Variants in RIMS1 observed in about 807,000 individuals in gnomAD.
The protein encoded by RIMS1 is regulating synaptic membrane exocytosis protein 1.
RIMS1 carries 83 observed loss-of-function variants against 214.1 expected under a neutral mutation model. The observed-to-expected ratio is 0.39, with a 90% CI of 0.32 to 0.47. The LOEUF is 0.47. Ranked by LOEUF, RIMS1 falls within the 20% of genes least tolerant of loss-of-function variation. RIMS1 has a pLI of 0.99. For missense variants in RIMS1, 2,050 were observed against 2,161.8 expected (o/e 0.95, Z 1.03); for synonymous variants, 793 against 786.8 (o/e 1.01, Z -0.13).
intron 28 of RIMS1, among the ~76,000 whole-genome samples, chr6:72,317,946 G>A (rs150551234): frequency 3.1e-4 from 47 of 151,982 alleles, no homozygotes; most frequent in African/African-American, 9.9e-4. Flanking sequence ...TGTCTTTCTG[G>A]CGATTTAACC....
At chr6:72,317,206 CG>C in intron 28 of RIMS1, 1 of 312,060 alleles carries the variant, frequency 3.2e-6, no homozygotes, top group Non-Finnish European at 6.3e-6. Flanking sequence ...GAAGCCCTCA[CG>C]GGGTGGCAGC....
rs573547108 is a variant in RIMS1, at chr6:72,160,304, A to T, written c.472-19271A>T. On this transcript the variant is annotated intron_variant, in intron 4 of 33. Transcript: ENST00000521978. ...TTGGGCTGAGACAATGGGGTTTTCT[A>T]GATATACAATCATGTCATCTGCCAA... Among the ~76,000 whole-genome samples the T allele has an allele frequency of 3.4e-3, 470 of 139,802 alleles. 28 individuals carry two copies. The highest frequency in any genetic ancestry group is 0.011 in the African/African-American group (454 of 40,524). The allele number at this position is 139,802 out of a possible 152,430, so 91.7% of individuals were successfully genotyped here. A position where few individuals can be genotyped will look rare whatever the true frequency, so the allele number is the denominator to read the frequency against.
chr6:71,900,609 A>G (rs1773304748), intron 1 of RIMS1, among the ~76,000 whole-genome samples: 1 of 151,994 alleles, frequency 6.6e-6, no homozygotes, highest in South Asian at 2.1e-4. Context: ...GAGATTTGGG[A>G]AGCAAAAACC....
chr6:71,970,251 A>G (rs1302452988), intron 2 of RIMS1, among the ~76,000 whole-genome samples: 1 of 152,232 alleles, frequency 6.6e-6, no homozygotes, highest in East Asian at 1.9e-4. Context: ...AGTACTTTAA[A>G]TGATGTTGTC....
intron 1 of RIMS1, among the ~76,000 whole-genome samples, chr6:71,895,496 G>A (rs1022808100): frequency 1.3e-4 from 19 of 151,836 alleles, no homozygotes; most frequent in South Asian, 2.1e-4. Flanking sequence ...CCAATATGGC[G>A]AAACCCCATC....
intron 2 of RIMS1, among the ~76,000 whole-genome samples, chr6:72,069,490 G>A (rs1254418341): frequency 6.6e-6 from 1 of 152,236 alleles, no homozygotes; most frequent in Non-Finnish European, 1.5e-5. Context: ...CTGCAAGTTA[G>A]TGTTGTGGCA....
chr6:72,064,184 A>G (rs2449424), intron 2 of RIMS1, among the ~76,000 whole-genome samples: 151,270 of 152,252 alleles, frequency 0.99, 75,154 homozygotes, highest in Middle Eastern at 1. Context: ...CAGGCATAGC[A>G]GCAGGCGCCT....
chr6:71,997,935 A>G (rs1157076857), intron 2 of RIMS1, among the ~76,000 whole-genome samples: 1 of 152,166 alleles, frequency 6.6e-6, no homozygotes, highest in Admixed American at 6.6e-5. Context: ...TAATGGTGGA[A>G]TAATATAAAA....
At position 72,400,706 on chromosome 6, in the gene RIMS1, C is replaced by G. The variant is rs528476500; in HGVS notation, c.5071C>G (p.Arg1691Gly). The change falls in exon 34 of 34, where the codon CGA becomes GGA. Residue 1691 changes from arginine (R) to glycine (G), a missense_variant. Physicochemically the swap from Arg to Gly is moderately radical, Grantham distance 125. Coordinates refer to ENST00000521978, the MANE Select transcript of RIMS1 (RefSeq NM_014989.7). ...AAGTTCAACTGGGCCTCCCTGTATTCGATCATAGTGAACTCATACCAGAGT... is the reference window on the plus strand; with the variant it reads ...AAGTTCAACTGGGCCTCCCTGTATTGGATCATAGTGAACTCATACCAGAGT... ...LESSTGPPCI[R>G]S is the part of the protein sequence containing the mutation. The G allele has an allele frequency of 6.2e-7, 1 of 1,610,422 alleles. No individual in the cohort carries two copies. Among genetic ancestry groups the G allele is most frequent in the Non-Finnish European group, 8.5e-7 (1 of 1,176,990 alleles).
intron 4 of RIMS1, among the ~76,000 whole-genome samples, chr6:72,104,246 GTT>G (rs1201155529): frequency 1.3e-5 from 2 of 152,120 alleles, no homozygotes; most frequent in Non-Finnish European, 1.5e-5. Context: ...AGCAGTTTCA[GTT>G]TTATCTCTCA....
intron 4 of RIMS1, among the ~76,000 whole-genome samples, chr6:72,104,199 G>A (rs2034255349): frequency 6.6e-6 from 1 of 152,090 alleles, no homozygotes; most frequent in African/African-American, 2.4e-5. Flanking sequence ...TTTATGACCA[G>A]TTGAAAAGAC....
At chr6:71,951,479 T>TTTTTCTTTTTC (rs1554151337) in intron 1 of RIMS1, among the ~76,000 whole-genome samples, 8,837 of 118,644 alleles carry the variant, frequency 0.074, 287 homozygotes, top group Middle Eastern at 0.1. Context: ...TTTCTTTTTC[T>TTTTTCTTTTTC]TTTTTTTTTT....
intron 2 of RIMS1, among the ~76,000 whole-genome samples, chr6:72,067,107 A>G (rs1425715596): frequency 6.6e-5 from 10 of 152,102 alleles, no homozygotes. Flanking sequence ...CCTACTCTTG[A>G]CTATGGATTC....
Position 72,290,587 on chromosome 6 carries a change from C to T in RIMS1, c.3555-92C>T, listed in dbSNP as rs964337518. The T allele has an allele frequency of 1.7e-5, 18 of 1,059,266 alleles. No homozygotes were observed. In the Admixed American group the frequency reaches 1.9e-4, roughly 11 times the overall value. 65.6% of individuals were successfully genotyped at this position (1,059,266 alleles called of 1,614,324 possible). A position where few individuals can be genotyped will look rare whatever the true frequency, so the allele number is the denominator to read the frequency against. On this transcript the variant is annotated intron_variant, in intron 24 of 33. Coordinates refer to ENST00000521978, the MANE Select transcript of RIMS1 (RefSeq NM_014989.7). ...TCTTCTTTGAAATTACTGTCATGTA[C>T]GAGTAACCAGGTTTTCCTTGGACAA...
At position 72,102,036 on chromosome 6, in the gene RIMS1, A is replaced by G. The variant is rs924255051; in HGVS notation, c.471+2050A>G. On this transcript the variant is annotated intron_variant, in intron 4 of 33. Coordinates refer to ENST00000521978, the MANE Select transcript of RIMS1 (RefSeq NM_014989.7). ...ATTAAAAGCCCTCCTTGAAGCCTAA[A>G]TATATAGCAATACTCTAAAATTTCC... Among the ~76,000 whole-genome samples the G allele has an allele frequency of 1.1e-4, 17 of 151,974 alleles. No homozygotes were observed. The East Asian group carries it at 3.3e-3, about 29-fold the overall frequency.
intron 29 of RIMS1, among the ~76,000 whole-genome samples, chr6:72,343,997 T>C (rs1594548649): frequency 6.6e-6 from 1 of 151,966 alleles, no homozygotes; most frequent in East Asian, 1.9e-4. Flanking sequence ...GGATAGTGCT[T>C]GAATAAGCTA....
rs1225537610 is a variant in RIMS1 at position 72,400,975 on chromosome 6, C to T, written c.*261C>T. On this transcript the variant is annotated 3_prime_UTR_variant, in exon 34 of 34. Transcript: ENST00000521978. ...TTCTAACAAATAGAAAAAGAGGAAA[C>T]TTTAAATCCACGCATACACGTACAC... 1 of 442,680 alleles carries T rather than the reference C, an allele frequency of 2.3e-6. No individual in the cohort carries two copies. The highest frequency in any genetic ancestry group is 4.1e-6 in the Non-Finnish European group (1 of 243,168). 27.4% of individuals were successfully genotyped at this position (442,680 alleles called of 1,614,324 possible).
chr6:72,251,157 A>G, intron 14 of RIMS1, 58 bp from the exon 15 acceptor site: 1 of 1,555,684 alleles, frequency 6.4e-7, no homozygotes, highest in East Asian at 2.4e-5. Flanking sequence ...TATTATGATT[A>G]CTATTACATT....
chr6:72,023,179 C>A (rs1815256406), intron 2 of RIMS1, among the ~76,000 whole-genome samples: 1 of 151,800 alleles, frequency 6.6e-6, no homozygotes, highest in Non-Finnish European at 1.5e-5. Context: ...TTTAAATTAC[C>A]CAAATCATGC....
Sources: gnomAD v4.1 joint callset for allele counts (sites outside exome capture counted in the v4.1 genomes callset) on GRCh38, gnomAD v4.1.1 for gene constraint, MANE v1.5 for transcripts, NCBI Gene and HGNC (gene_info 2026-07-23, HGNC 2026-07-21) for gene names.